TMCO1: variants seen among roughly 807,000 people sequenced by gnomAD.
TMCO1 encodes the protein transmembrane and coiled-coil domains 1.
Under a neutral mutation model 29.3 loss-of-function variants are expected in TMCO1, and 29 were observed. The observed-to-expected ratio is 0.99, with a 90% CI of 0.74 to 1.35. The LOEUF (loss-of-function observed/expected upper bound fraction) is 1.35. Ranked by LOEUF, TMCO1 falls within the 40% of genes most tolerant of loss-of-function variation. TMCO1 has a pLI of 0.00. For synonymous variants in TMCO1, 80 were observed against 77.1 expected (o/e 1.04, Z -0.20); for missense variants, 173 against 225.5 (o/e 0.77, Z 1.49).
chr1:165,725,058 A>G (rs1650815560), downstream of TMCO1: 1 of 375,100 alleles, frequency 2.7e-6, no homozygotes, highest in African/African-American at 2.2e-5. Flanking sequence ...AAAATAGTGT[A>G]TATACATAAT....
At chr1:165,768,631 G>C (rs1652672418) in intron 1 of TMCO1, 51 bp downstream of exon 1, 2 of 1,613,606 alleles carry the variant, frequency 1.2e-6, no homozygotes, top group Admixed American at 3.3e-5. Context: ...GGGACCCCGG[G>C]GCCCTTCCTC....
At chr1:165,765,403 C>T (rs1652533073) in intron 2 of TMCO1, among the ~76,000 whole-genome samples, 1 of 152,204 alleles carries the variant, frequency 6.6e-6, no homozygotes, top group Non-Finnish European at 1.5e-5. Flanking sequence ...CCTGCCTCAG[C>T]CTCCCAGGTA....
At chr1:165,748,366 C>G (rs1240451180) in intron 5 of TMCO1, among the ~76,000 whole-genome samples, 3 of 151,714 alleles carry the variant, frequency 2.0e-5, no homozygotes, top group Non-Finnish European at 4.4e-5. Context: ...AAAGTAATAG[C>G]AAAGGAGAAA....
At chr1:165,733,815 A>G (rs114317957) in intron 6 of TMCO1, among the ~76,000 whole-genome samples, 4 of 152,354 alleles carry the variant, frequency 2.6e-5, no homozygotes, top group African/African-American at 9.6e-5. Context: ...ACAAAGGAAA[A>G]ACATTTTCCC....
At chr1:165,733,399 C>T (rs1043580008) in intron 6 of TMCO1, among the ~76,000 whole-genome samples, 14 of 151,964 alleles carry the variant, frequency 9.2e-5, no homozygotes, top group African/African-American at 2.7e-4. Flanking sequence ...CTTGGGAGGC[C>T]GAGGTGGGTG....
intron 6 of TMCO1, among the ~76,000 whole-genome samples, chr1:165,733,312 C>T (rs972253461): frequency 5.3e-5 from 8 of 152,100 alleles, no homozygotes; most frequent in African/African-American, 1.9e-4. Context: ...GTTTTCAGGC[C>T]TTGTTAATTA....
chr1:165,740,696 T>C (rs1397473245), intron 6 of TMCO1, among the ~76,000 whole-genome samples: 1 of 152,230 alleles, frequency 6.6e-6, no homozygotes, highest in Non-Finnish European at 1.5e-5. Context: ...AAAGTTCATG[T>C]GGTGGAAATG....
intron 5 of TMCO1, among the ~76,000 whole-genome samples, chr1:165,745,854 T>C (rs578069424): frequency 6.6e-6 from 1 of 152,124 alleles, no homozygotes; most frequent in East Asian, 1.9e-4. Flanking sequence ...AACAAAAACA[T>C]GAATACAGCA....
chr1:165,739,363 G>A (rs898250244), intron 6 of TMCO1, among the ~76,000 whole-genome samples: 1 of 149,418 alleles, frequency 6.7e-6, no homozygotes, highest in Non-Finnish European at 1.5e-5. Context: ...TAAAAGGAGT[G>A]TAAAGACCAG....
At chr1:165,732,363 G>A (rs1313913931) in intron 6 of TMCO1, among the ~76,000 whole-genome samples, 1 of 111,442 alleles carries the variant, frequency 9.0e-6, no homozygotes, top group Non-Finnish European at 1.8e-5. Context: ...TGTTATCTTA[G>A]GAATAAAAAA....
chr1:165,746,902 C>G (rs73022543), intron 5 of TMCO1, among the ~76,000 whole-genome samples: 2,020 of 152,188 alleles, frequency 0.013, 53 homozygotes, highest in African/African-American at 0.047. Flanking sequence ...ATCTAGAAAA[C>G]TAGAGAATCA....
intron 6 of TMCO1, among the ~76,000 whole-genome samples, chr1:165,742,395 T>G (rs1034198441): frequency 1.1e-4 from 17 of 152,162 alleles, no homozygotes; most frequent in African/African-American, 4.1e-4. Flanking sequence ...CTAGGGTAGC[T>G]GGGACTACAG....
chr1:165,757,983 GT>G (rs1333197986), intron 3 of TMCO1, among the ~76,000 whole-genome samples: 3 of 152,070 alleles, frequency 2.0e-5, no homozygotes, highest in African/African-American at 7.2e-5. Context: ...TGAAAGAGTT[GT>G]CCATGTTGAA....
intron 3 of TMCO1, among the ~76,000 whole-genome samples, chr1:165,758,500 G>A (rs1652279412): frequency 6.8e-6 from 1 of 146,916 alleles, no homozygotes; most frequent in Admixed American, 6.8e-5. Flanking sequence ...AGGTTGCAGT[G>A]AGCCGAGATC....
intron 5 of TMCO1, 33 bp from the exon 6 acceptor site, chr1:165,743,344 C>T (rs758827280): frequency 3.0e-5 from 48 of 1,594,116 alleles, no homozygotes; most frequent in Admixed American, 8.5e-5. Flanking sequence ...GAATTGTTAT[C>T]TTTGGAAGAC....
chr1:165,752,036 C>T, intron 5 of TMCO1, 66 bp downstream of exon 5: 2 of 1,304,178 alleles, frequency 1.5e-6, no homozygotes, highest in Non-Finnish European at 1.1e-6. Flanking sequence ...CCAAAAAGTT[C>T]ATGCTAACAT....
At chr1:165,762,729 T>G (rs1652439595) in intron 2 of TMCO1, among the ~76,000 whole-genome samples, 1 of 152,326 alleles carries the variant, frequency 6.6e-6, no homozygotes, top group Non-Finnish European at 1.5e-5. Context: ...TCCAGAGTTC[T>G]GCCAAACAGT....
intron 5 of TMCO1, among the ~76,000 whole-genome samples, chr1:165,744,365 A>G (rs576701036): frequency 4.7e-4 from 71 of 152,320 alleles, no homozygotes; most frequent in Admixed American, 9.2e-4. Context: ...AAACTACTCA[A>G]TAAAAGTACT....
At chr1:165,725,295 C>G (rs1650830047), downstream of TMCO1, 2 of 453,908 alleles carry the variant, frequency 4.4e-6, no homozygotes, top group East Asian at 6.9e-5. Context: ...GATCTAGAAG[C>G]TCTATCAATT....
Sources: gnomAD v4.1 joint callset for allele counts (sites outside exome capture counted in the v4.1 genomes callset) on GRCh38, gnomAD v4.1.1 for gene constraint, MANE v1.5 for transcripts, NCBI Gene and HGNC (gene_info 2026-07-23, HGNC 2026-07-21) for gene names.